ATE1: variants seen among roughly 807,000 people sequenced by gnomAD.
ATE1 encodes arginyl-tRNA--protein transferase 1.
ATE1 carries 36 observed loss-of-function variants against 70.5 expected under a neutral mutation model. The ratio of observed to expected loss-of-function variants is 0.51; its 90% CI spans 0.39 to 0.67. The LOEUF (loss-of-function observed/expected upper bound fraction) is 0.67. ATE1 is among the 30% of genes least tolerant of loss of function. The probability of loss-of-function intolerance (pLI) is 0.00; values close to 1 mark genes in which losing one functional copy is unlikely to be tolerated. For missense variants in ATE1, 593 were observed against 629.5 expected, an observed-to-expected ratio of 0.94 and a Z score of 0.62; for synonymous variants, 232 against 219.3, an observed-to-expected ratio of 1.06 and a Z score of -0.51.
chr10:121,829,039 G>A (rs7077151), intron 10 of ATE1, among the ~76,000 whole-genome samples: 14,294 of 152,006 alleles, frequency 0.094, 2,144 homozygotes, highest in African/African-American at 0.32. Context: ...CCTTCACTAG[G>A]GCAGAACCCT....
intron 7 of ATE1, among the ~76,000 whole-genome samples, chr10:121,886,001 A>T (rs1375324631): frequency 6.6e-6 from 1 of 152,094 alleles, no homozygotes; most frequent in African/African-American, 2.4e-5. Flanking sequence ...TATTTATAAA[A>T]TACAGGTTAA....
At chr10:121,762,677 G>A (rs929526416) in intron 11 of ATE1, among the ~76,000 whole-genome samples, 1 of 152,208 alleles carries the variant, frequency 6.6e-6, no homozygotes, top group Non-Finnish European at 1.5e-5. Context: ...GCGTCCTGTT[G>A]AGGACTGGTT....
chr10:121,835,118 C>G (rs1028019008), intron 10 of ATE1, among the ~76,000 whole-genome samples: 1 of 152,054 alleles, frequency 6.6e-6, no homozygotes, highest in Non-Finnish European at 1.5e-5. Context: ...TCCTTCTGTA[C>G]AGAACATATG....
At chr10:121,898,259 G>A (rs564563591) in intron 7 of ATE1, among the ~76,000 whole-genome samples, 2 of 152,150 alleles carry the variant, frequency 1.3e-5, no homozygotes, top group East Asian at 3.9e-4. Context: ...TTACAATGAT[G>A]GAAAACGATT....
intron 8 of ATE1, among the ~76,000 whole-genome samples, chr10:121,867,195 G>A (rs753351859): frequency 1.3e-5 from 2 of 152,114 alleles, no homozygotes; most frequent in Non-Finnish European, 2.9e-5. Flanking sequence ...ACTAAGAATG[G>A]GAAAGCAATA....
At chr10:121,836,359 G>A (rs73364417) in intron 10 of ATE1, among the ~76,000 whole-genome samples, 14,312 of 152,126 alleles carry the variant, frequency 0.094, 2,153 homozygotes, top group African/African-American at 0.32. Flanking sequence ...TATTGCTATC[G>A]CGGTGGGTGG....
intron 7 of ATE1, among the ~76,000 whole-genome samples, chr10:121,890,860 T>C (rs773297080): frequency 1.3e-5 from 2 of 152,206 alleles, no homozygotes; most frequent in Non-Finnish European, 2.9e-5. Flanking sequence ...TATATCACAT[T>C]ACTTTCTGAA....
intron 11 of ATE1, among the ~76,000 whole-genome samples, chr10:121,777,846 G>C (rs1469597861): frequency 6.6e-6 from 1 of 152,162 alleles, no homozygotes; most frequent in African/African-American, 2.4e-5. Context: ...AGATAATTAA[G>C]AGGGAAACTG....
At chr10:121,851,173 C>T (rs1156461519) in intron 8 of ATE1, among the ~76,000 whole-genome samples, 1 of 143,670 alleles carries the variant, frequency 7.0e-6, no homozygotes, top group Non-Finnish European at 1.5e-5. Flanking sequence ...GTAATCTCTG[C>T]ACTTTGGAGG....
intron 10 of ATE1, among the ~76,000 whole-genome samples, chr10:121,803,291 A>G (rs1946967143): frequency 6.6e-6 from 1 of 152,228 alleles, no homozygotes; most frequent in Non-Finnish European, 1.5e-5. Context: ...TCTTAAAAAG[A>G]GAGAACCACA....
intron 7 of ATE1, among the ~76,000 whole-genome samples, chr10:121,891,546 T>G (rs10887013): frequency 0.13 from 20,047 of 152,198 alleles, 1,521 homozygotes; most frequent in East Asian, 0.19. Context: ...GAGCTGCTTT[T>G]TATTAAAGGA....
chr10:121,866,697 A>T (rs1427125677), intron 8 of ATE1, among the ~76,000 whole-genome samples: 1 of 152,012 alleles, frequency 6.6e-6, no homozygotes, highest in Non-Finnish European at 1.5e-5. Flanking sequence ...AAATATAAAA[A>T]TTAGCCAGGC....
At chr10:121,836,654 A>G in intron 10 of ATE1, 64 bp downstream of exon 10, 2 of 1,078,268 alleles carry the variant, frequency 1.9e-6, no homozygotes, top group African/African-American at 1.6e-5. Flanking sequence ...GCCCTGAGAT[A>G]AAAATTTTAT....
chr10:121,759,249 T>C (rs190896520), intron 11 of ATE1, among the ~76,000 whole-genome samples: 10 of 152,322 alleles, frequency 6.6e-5, no homozygotes, highest in African/African-American at 1.2e-4. Flanking sequence ...GTCTTAGTGA[T>C]CTGGATAGAA....
At chr10:121,927,529 C>T in intron 1 of ATE1, 1 of 985,382 alleles carries the variant, frequency 1.0e-6, no homozygotes, top group Non-Finnish European at 1.2e-6. Flanking sequence ...TTAACTACGG[C>T]TCTGGGGCGT....
At chr10:121,806,484 AT>A (rs1169025967) in intron 10 of ATE1, among the ~76,000 whole-genome samples, 1 of 152,196 alleles carries the variant, frequency 6.6e-6, no homozygotes, top group Non-Finnish European at 1.5e-5. Context: ...AACAAATGAA[AT>A]ACATAATCCT....
At chr10:121,888,056 A>G (rs1950460322) in intron 7 of ATE1, among the ~76,000 whole-genome samples, 1 of 152,214 alleles carries the variant, frequency 6.6e-6, no homozygotes, top group South Asian at 2.1e-4. Flanking sequence ...AGGGTATAAC[A>G]TGCCTTTAAA....
chr10:121,810,035 A>G (rs2133456577), intron 10 of ATE1, among the ~76,000 whole-genome samples: 1 of 152,350 alleles, frequency 6.6e-6, no homozygotes, highest in Admixed American at 6.5e-5. Flanking sequence ...CCAATTAACC[A>G]GTAAGAACCA....
intron 11 of ATE1, among the ~76,000 whole-genome samples, chr10:121,753,394 AAAC>A (rs1944666699): frequency 6.6e-6 from 1 of 152,226 alleles, no homozygotes; most frequent in African/African-American, 2.4e-5. Flanking sequence ...TGTTGATTAA[AAAC>A]AACATTGGCT....
Sources: allele counts gnomAD v4.1 joint callset (sites outside exome capture counted in the v4.1 genomes callset), GRCh38; gene constraint gnomAD v4.1.1; transcripts MANE v1.5; gene names NCBI Gene and HGNC (gene_info 2026-07-23, HGNC 2026-07-21).